The following GPC6 variants were observed in gnomAD, a reference collection of about 807,000 sequenced individuals.
GPC6 encodes glypican 6.
A neutral mutation model predicts 55.2 loss-of-function variants in GPC6; 14 were observed. The ratio of observed to expected loss-of-function variants is 0.25; its 90% confidence interval spans 0.17 to 0.40. The LOEUF (loss-of-function observed/expected upper bound fraction) is 0.40, where lower values mean the gene tolerates loss of function less well. Ranked by LOEUF, GPC6 falls within the 10% of genes least tolerant of loss-of-function variation. GPC6 has a pLI of 1.00. For synonymous variants in GPC6, 278 were observed against 259.6 expected, an observed-to-expected ratio of 1.07 and a Z score of -0.68; for missense variants, 641 against 708.5, an observed-to-expected ratio of 0.90 and a Z score of 1.08.
chr13:93,386,076 G>C (rs1030846877), intron 1 of GPC6, among the ~76,000 whole-genome samples: 1 of 147,860 alleles, frequency 6.8e-6, no homozygotes, highest in Non-Finnish European at 1.5e-5. Context: ...GGGATACAGG[G>C]GGAATGGAAT....
chr13:93,347,686 T>C (rs1021182980), intron 1 of GPC6, among the ~76,000 whole-genome samples: 1 of 152,188 alleles, frequency 6.6e-6, no homozygotes, highest in South Asian at 2.1e-4. Flanking sequence ...ATCCATGGCA[T>C]TCTGCAGCCT....
At chr13:93,990,123 A>T (rs549620682) in intron 3 of GPC6, among the ~76,000 whole-genome samples, 40 of 152,116 alleles carry the variant, frequency 2.6e-4, no homozygotes, top group African/African-American at 9.1e-4. Flanking sequence ...ACAAAATATG[A>T]TAATATTTTA....
chr13:93,454,211 G>C, intron 1 of GPC6, among the ~76,000 whole-genome samples: 1 of 149,470 alleles, frequency 6.7e-6, no homozygotes, highest in Non-Finnish European at 1.5e-5. Context: ...AGTGCCAATT[G>C]GTGTATTTAC....
At chr13:94,327,839 C>G (rs1877204935) in intron 6 of GPC6, among the ~76,000 whole-genome samples, 1 of 152,186 alleles carries the variant, frequency 6.6e-6, no homozygotes, top group Non-Finnish European at 1.5e-5. Context: ...TTTCCTTAAA[C>G]AGCTTCAGTG....
At chr13:93,222,440 T>C (rs1855274), upstream of GPC6, among the ~76,000 whole-genome samples, 145,412 of 152,240 alleles carry the variant, frequency 0.96, 69,785 homozygotes, top group East Asian at 1. Flanking sequence ...TTCTAATCAG[T>C]TTTACCTGGT....
At chr13:93,312,788 G>C (rs757633961) in intron 1 of GPC6, among the ~76,000 whole-genome samples, 8 of 152,146 alleles carry the variant, frequency 5.3e-5, no homozygotes, top group Non-Finnish European at 1.2e-4. Flanking sequence ...TCTTTCTCAT[G>C]CTGTGTGTGA....
At chr13:93,469,565 T>C (rs1414644761) in intron 1 of GPC6, among the ~76,000 whole-genome samples, 2 of 152,168 alleles carry the variant, frequency 1.3e-5, no homozygotes, top group Non-Finnish European at 2.9e-5. Flanking sequence ...GATAGGAATA[T>C]GAATGAAACG....
intron 3 of GPC6, among the ~76,000 whole-genome samples, chr13:93,926,502 A>G (rs112044942): frequency 0.011 from 1,691 of 152,214 alleles, 27 homozygotes; most frequent in African/African-American, 0.04. Flanking sequence ...GTATTTTCCC[A>G]TATATATGGG....
chr13:93,365,148 C>A (rs1881195650), intron 1 of GPC6, among the ~76,000 whole-genome samples: 1 of 152,148 alleles, frequency 6.6e-6, no homozygotes, highest in Admixed American at 6.6e-5. Context: ...GTTTGACTGG[C>A]TGATGCGTTC....
chr13:93,602,405 C>T (rs1878053939), intron 2 of GPC6, among the ~76,000 whole-genome samples: 1 of 152,304 alleles, frequency 6.6e-6, no homozygotes, highest in Non-Finnish European at 1.5e-5. Context: ...GATTATCCCT[C>T]ATTGCCATTT....
intron 1 of GPC6, among the ~76,000 whole-genome samples, chr13:93,364,015 A>C (rs1031290667): frequency 8.6e-5 from 13 of 151,754 alleles, no homozygotes; most frequent in Admixed American, 4.6e-4. Context: ...GTTTGAGTTC[A>C]TTGTAGATTC....
intron 4 of GPC6, among the ~76,000 whole-genome samples, chr13:94,097,528 A>AT: frequency 6.6e-6 from 1 of 151,312 alleles, no homozygotes; most frequent in East Asian, 1.9e-4. Flanking sequence ...AAAAAAAAAA[A>AT]GAGGCAAGTG....
chr13:93,456,029 G>C (rs1188429535), intron 1 of GPC6, among the ~76,000 whole-genome samples: 1 of 152,156 alleles, frequency 6.6e-6, no homozygotes, highest in Non-Finnish European at 1.5e-5. Context: ...GTGTTTAGGT[G>C]CTATCTCAGG....
intron 5 of GPC6, among the ~76,000 whole-genome samples, chr13:94,295,093 C>A (rs942174375): frequency 6.6e-6 from 1 of 152,106 alleles, no homozygotes; most frequent in Non-Finnish European, 1.5e-5. Flanking sequence ...GTCTAGTATT[C>A]TTTAGACTAG....
intron 2 of GPC6, among the ~76,000 whole-genome samples, chr13:93,809,747 G>A (rs1189040120): frequency 6.6e-6 from 1 of 152,122 alleles, no homozygotes; most frequent in African/African-American, 2.4e-5. Context: ...GATTCTGTTT[G>A]CTGGTGTTCC....
chr13:93,750,784 G>A (rs9589819), intron 2 of GPC6, among the ~76,000 whole-genome samples: 2,877 of 152,288 alleles, frequency 0.019, 79 homozygotes, highest in African/African-American at 0.058. Flanking sequence ...ATGGGCGTGA[G>A]GCCAGGCATT....
chr13:94,354,644 G>C (rs1052485422), intron 6 of GPC6, among the ~76,000 whole-genome samples: 1 of 152,194 alleles, frequency 6.6e-6, no homozygotes, highest in Admixed American at 6.5e-5. Context: ...TATTCGGTAA[G>C]CTCTAGGCAA....
In GPC6 at chr13:94,046,577, C is replaced by G. The variant is rs576996055; in HGVS notation, c.877+18683C>G. On this transcript the variant is annotated intron_variant, in intron 4 of 8. Coordinates refer to ENST00000377047, the MANE Select transcript of GPC6 (RefSeq NM_005708.5). ...ATGGAAAATGTAATTTTCATAAAGT[C>G]ACTTTCCCCTCATTGACCAATATGA... is the stretch of plus-strand genomic sequence containing the variant. 3.9e-5 allele frequency among the ~76,000 whole-genome samples: 6 copies of G among 152,106 alleles called. No homozygotes were observed. The South Asian group carries it at 1.0e-3, about 26-fold the overall frequency.
At chr13:93,815,061 C>T (rs543758555) in intron 2 of GPC6, among the ~76,000 whole-genome samples, 6 of 152,140 alleles carry the variant, frequency 3.9e-5, no homozygotes, top group Non-Finnish European at 8.8e-5. Context: ...GAAAGCAGAG[C>T]TGTATTAAGG....
Sources: allele counts gnomAD v4.1 joint callset (sites outside exome capture counted in the v4.1 genomes callset), GRCh38; gene constraint gnomAD v4.1.1; transcripts MANE v1.5; gene names NCBI Gene and HGNC (gene_info 2026-07-23, HGNC 2026-07-21).